LTN1: variants seen among roughly 807,000 people sequenced by gnomAD.
The protein encoded by LTN1 is E3 ubiquitin-protein ligase listerin.
Under a neutral mutation model 201.2 loss-of-function variants are expected in LTN1, and 88 were observed. That is an observed-to-expected ratio of 0.44 (90% confidence interval 0.37 to 0.52). The LOEUF (loss-of-function observed/expected upper bound fraction) is 0.52, where lower values mean the gene tolerates loss of function less well. Ranked by LOEUF, LTN1 falls within the 20% of genes least tolerant of loss-of-function variation. The pLI is 0.00. For synonymous variants in LTN1, 645 were observed against 713.5 expected (o/e 0.90, Z 1.53); for missense variants, 1,752 against 2,038.7 (o/e 0.86, Z 2.71).
rs536776788 is a variant in LTN1, at chr21:28,984,586, T to C, written c.576+106A>G. 4.3e-5 allele frequency: 31 copies of C among 714,914 alleles called. No individual in the cohort carries two copies. The South Asian group carries it at 6.1e-4, about 14-fold the overall frequency. 44.3% of individuals were successfully genotyped at this position (714,914 alleles called of 1,614,324 possible). A position where few individuals can be genotyped will look rare whatever the true frequency, so the allele number is the denominator to read the frequency against. On this transcript the variant is annotated intron_variant, in intron 4 of 29. Coordinates refer to ENST00000361371, the MANE Select transcript of LTN1 (RefSeq NM_015565.3). ...AGGCAACCTTCAGTTGGAAATACTC[T>C]ACTTACTCATTCCCCTACAATCCCA... is the stretch of plus-strand genomic sequence containing the variant.
chr21:28,932,419 T>C, intron 28 of LTN1, 51 bp downstream of exon 28: 2 of 1,405,708 alleles, frequency 1.4e-6, no homozygotes, highest in Non-Finnish European at 2.0e-6. Flanking sequence ...CCCTTTTAAA[T>C]AGATCATCTT....
At chr21:28,992,203 G>A (rs1179640577) in intron 1 of LTN1, among the ~76,000 whole-genome samples, 2 of 152,122 alleles carry the variant, frequency 1.3e-5, no homozygotes, top group South Asian at 4.2e-4. Context: ...AGCCGGCCAG[G>A]TAGTCAAGGC....
At chr21:28,953,942 G>T (rs1055537901) in intron 16 of LTN1, among the ~76,000 whole-genome samples, 36 of 152,106 alleles carry the variant, frequency 2.4e-4, no homozygotes, top group African/African-American at 7.7e-4. Context: ...TATATCATAG[G>T]TTTCTAATAC....
chr21:28,956,791 A>G lies in LTN1; in HGVS notation c.3050T>C (p.Val1017Ala). ...MVLIALRKET[V>A]LENNELEKII... ...TTTCTCAAGCTCATTATTTTCTAAGACTGTTTCCTTTCTCAGTGCAATTAA... is the reference window on the plus strand; with the variant it reads ...TTTCTCAAGCTCATTATTTTCTAAGGCTGTTTCCTTTCTCAGTGCAATTAA... The change falls in exon 16 of 30, where the codon GTC becomes GCC. Residue 1017 changes from valine (V) to alanine (A), a missense_variant. By Grantham distance (64) the Val-to-Ala change is moderately conservative. Transcript: ENST00000361371. 1 of 1,604,300 alleles carries G rather than the reference A, an allele frequency of 6.2e-7. No homozygotes were observed. Among genetic ancestry groups the G allele is most frequent in the South Asian group, 1.1e-5 (1 of 89,288 alleles).
intron 21 of LTN1, among the ~76,000 whole-genome samples, chr21:28,945,074 T>C (rs1221474022): frequency 2.0e-5 from 3 of 151,976 alleles, no homozygotes; most frequent in Non-Finnish European, 4.4e-5. Flanking sequence ...ATATAAAAAT[T>C]AGTCGTGCAT....
rs1208705018 is a variant in LTN1, at chr21:28,967,017, C to G, written c.1474G>C (p.Glu492Gln). The G allele has an allele frequency of 2.5e-6, 4 of 1,613,976 alleles. No individual in the cohort carries two copies. Among genetic ancestry groups the G allele is most frequent in the African/African-American group, 2.7e-5 (2 of 74,900 alleles). Residue 492 changes from glutamate to glutamine, a missense_variant, in exon 10 of 30, where the codon GAA (glutamate) becomes CAA (glutamine). Physicochemically the swap from Glu to Gln is conservative, Grantham distance 29. Transcript: ENST00000361371. ...GCAACACAGATCTCTGACAGTCTTTCCCAGAAATGTATCAGTACGTTCTCC... is the reference window on the plus strand; with the variant it reads ...GCAACACAGATCTCTGACAGTCTTTGCCAGAAATGTATCAGTACGTTCTCC... ...NLENVLIHFW[E>Q]RLSEICVAKI...
Position 28,957,088 on chromosome 21 carries a change from A to G in LTN1, c.2893-140T>C. On this transcript the variant is annotated intron_variant, in intron 15 of 29. Coordinates refer to ENST00000361371, the MANE Select transcript of LTN1 (RefSeq NM_015565.3). The stretch of plus-strand genomic sequence containing the variant: ...TTTTCTTTTACAGGAAATTATCAAC[A>G]TGTGTATTTCTTTAAGACTCCTTAA... 1.0e-5 allele frequency: 7 copies of G among 677,620 alleles called. No homozygotes were observed. In the South Asian group the frequency reaches 1.5e-4, roughly 15 times the overall value. 42.0% of individuals were successfully genotyped at this position (677,620 alleles called of 1,614,324 possible).
rs1039494104 is a variant in LTN1 at position 28,953,512 on chromosome 21, T to G, written c.3080-136A>C. ...AACTCCTATGAACTGATTTTTCAAA[T>G]CTGCTTTGAGATGTTCAAGGACAAT... On this transcript the variant is annotated intron_variant, in intron 16 of 29. Transcript: ENST00000361371. 1.9e-5 allele frequency: 11 copies of G among 569,940 alleles called. 1 individual carries two copies. Among genetic ancestry groups the G allele is most frequent in the African/African-American group, 1.8e-4 (9 of 51,124 alleles). The allele number at this position is 569,940 out of a possible 1,614,324, so 35.3% of individuals were successfully genotyped here.
At chr21:28,952,364 A>G (rs2084389937) in intron 17 of LTN1, 100 bp from the exon 18 acceptor site, 1 of 657,594 alleles carries the variant, frequency 1.5e-6, no homozygotes, top group African/African-American at 1.8e-5. Context: ...AATTAAATAA[A>G]GCACCTTGTG....
At position 28,966,385 on chromosome 21, in the gene LTN1, C is replaced by T. The variant is rs2084522640; in HGVS notation, c.2106G>A (p.Leu702=). ...ACAGGAATACCTTGGTTAGATCATC[C>T]AAGACTTTTTTTCTTTCCATATCAT... The part of the protein sequence containing the change: ...CDNDMERKKV[L]DDLTKVDLKW... Residue 702 remains leucine (L), a synonymous_variant, in exon 10 of 30, where the codon TTG becomes TTA. Transcript: ENST00000361371. The T allele has an allele frequency of 6.2e-7, 1 of 1,607,658 alleles. No homozygotes were observed. The highest frequency in any genetic ancestry group is 1.3e-5 in the African/African-American group (1 of 74,384).
At position 28,966,693 on chromosome 21, in the gene LTN1, T is replaced by C. The variant is rs376248036; in HGVS notation, c.1798A>G (p.Ile600Val). 105 of 1,613,916 alleles carry C rather than the reference T, an allele frequency of 6.5e-5. No homozygotes were observed. Among genetic ancestry groups the C allele is most frequent in the Non-Finnish European group, 8.6e-5 (102 of 1,179,978 alleles). ...LEDLVCKLAD[I>V]SINYVNERKS... ...CGTTCATTGACATAATTAATACTTA[T>C]ATCTGCGAGTTTACAGACTAAGTCT... The change falls in exon 10 of 30, where the codon ATA becomes GTA. Residue 600 changes from isoleucine (I) to valine (V), a missense_variant. Transcript: ENST00000361371.
At chr21:28,961,359 A>G (rs1022404824) in intron 11 of LTN1, 3 of 156,494 alleles carry the variant, frequency 1.9e-5, no homozygotes, top group African/African-American at 7.2e-5. Flanking sequence ...ATTCTCTGAT[A>G]TAGAGTTACT....
intron 25 of LTN1, among the ~76,000 whole-genome samples, chr21:28,938,580 A>G (rs2084274240): frequency 6.6e-6 from 1 of 152,204 alleles, no homozygotes; most frequent in African/African-American, 2.4e-5. Flanking sequence ...GGTATACAAC[A>G]CAAGTGAAAA....
intron 8 of LTN1, among the ~76,000 whole-genome samples, chr21:28,970,332 C>T (rs2084563304): frequency 6.6e-6 from 1 of 152,154 alleles, no homozygotes; most frequent in African/African-American, 2.4e-5. Flanking sequence ...GACCTATTTC[C>T]AACAAGGAGC....
intron 25 of LTN1, among the ~76,000 whole-genome samples, chr21:28,937,863 A>G (rs1320853566): frequency 6.6e-6 from 1 of 152,178 alleles, no homozygotes; most frequent in African/African-American, 2.4e-5. Context: ...TGGATAAGGG[A>G]TACTCAACCT....
intron 3 of LTN1, among the ~76,000 whole-genome samples, chr21:28,985,219 G>A (rs900389555): frequency 6.6e-6 from 1 of 152,042 alleles, no homozygotes; most frequent in Admixed American, 6.6e-5. Flanking sequence ...CAGTACTTTC[G>A]GTGGCCGAGG....
chr21:28,980,338 T>C (rs1035459258), intron 6 of LTN1, among the ~76,000 whole-genome samples: 6 of 131,154 alleles, frequency 4.6e-5, no homozygotes, highest in African/African-American at 1.8e-4. Flanking sequence ...GAATCAACAA[T>C]AGCTATGAAA....
intron 29 of LTN1, 29 bp downstream of exon 29, chr21:28,931,117 CATAAAATAT>C: frequency 7.9e-7 from 1 of 1,258,098 alleles, no homozygotes; most frequent in Non-Finnish European, 1.1e-6. Flanking sequence ...GTATAAAATA[CATAAAATAT>C]AAGTAAGTTA....
chr21:28,984,369 G>A (rs769034736), intron 4 of LTN1, among the ~76,000 whole-genome samples: 4 of 151,904 alleles, frequency 2.6e-5, no homozygotes, highest in Non-Finnish European at 2.9e-5. Flanking sequence ...ATGGAAACAC[G>A]AGAGAAAATA....
Sources: gnomAD v4.1 joint callset for allele counts (sites outside exome capture counted in the v4.1 genomes callset) on GRCh38, gnomAD v4.1.1 for gene constraint, MANE v1.5 for transcripts, NCBI Gene and HGNC (gene_info 2026-07-23, HGNC 2026-07-21) for gene names.